The following SIPA1L3 variants were observed in gnomAD, a reference collection of about 807,000 sequenced individuals.
The protein encoded by SIPA1L3 is signal induced proliferation associated 1 like 3.
Under a neutral mutation model 150.1 loss-of-function variants are expected in SIPA1L3, and 59 were observed. The ratio of observed to expected loss-of-function variants is 0.39; its 90% CI spans 0.32 to 0.49. The LOEUF is 0.49. Among genes scored for constraint, SIPA1L3 ranks in the 20% least tolerant of loss-of-function variants. The pLI is 0.86. For synonymous variants in SIPA1L3, 1,070 were observed against 1,077.6 expected (o/e 0.99, Z 0.14); for missense variants, 2,211 against 2,489.5 (o/e 0.89, Z 2.38).
intron 12 of SIPA1L3, among the ~76,000 whole-genome samples, chr19:38,146,726 G>A (rs1205574067): frequency 1.3e-5 from 2 of 152,168 alleles, no homozygotes; most frequent in African/African-American, 2.4e-5. Context: ...ACCATTTGGC[G>A]TTGTCACTGT....
intron 2 of SIPA1L3, among the ~76,000 whole-genome samples, chr19:38,067,498 C>G (rs1036151643): frequency 4.6e-5 from 7 of 152,024 alleles, no homozygotes; most frequent in Admixed American, 3.9e-4. Context: ...CGTGGTGGCT[C>G]AAGTCTGTAA....
intron 1 of SIPA1L3, among the ~76,000 whole-genome samples, chr19:37,986,105 C>T (rs967790775): frequency 1.3e-5 from 2 of 152,184 alleles, no homozygotes; most frequent in African/African-American, 4.8e-5. Flanking sequence ...GGGAATTAAC[C>T]ATCTCTTTTC....
At chr19:38,078,206 C>G (rs370454608) in intron 2 of SIPA1L3, among the ~76,000 whole-genome samples, 23 of 152,238 alleles carry the variant, frequency 1.5e-4, no homozygotes, top group African/African-American at 5.3e-4. Context: ...TGTGCTGCCT[C>G]CCGGCAACAT....
At chr19:38,035,208 G>A (rs973149221) in intron 2 of SIPA1L3, among the ~76,000 whole-genome samples, 2 of 152,182 alleles carry the variant, frequency 1.3e-5, no homozygotes, top group African/African-American at 2.4e-5. Flanking sequence ...AAACTCTCAC[G>A]ACAGCTCTCC....
chr19:37,975,525 T>C (rs1051973947), intron 1 of SIPA1L3, among the ~76,000 whole-genome samples: 2 of 152,156 alleles, frequency 1.3e-5, no homozygotes, highest in African/African-American at 4.8e-5. Context: ...GGGAGTGATA[T>C]TGGTCATGGT....
chr19:37,983,530 C>T (rs2145619469), intron 1 of SIPA1L3, among the ~76,000 whole-genome samples: 1 of 152,286 alleles, frequency 6.6e-6, no homozygotes, highest in Admixed American at 6.5e-5. Context: ...GTCTTAGCCT[C>T]AGGTATGCGG....
intron 7 of SIPA1L3, among the ~76,000 whole-genome samples, chr19:38,108,999 A>T (rs1970682194): frequency 6.6e-6 from 1 of 152,198 alleles, no homozygotes. Flanking sequence ...CCAAAAAAAA[A>T]AGAAAAAAGA....
intron 8 of SIPA1L3, 95 bp downstream of exon 8, chr19:38,110,479 C>A: frequency 9.9e-7 from 1 of 1,013,164 alleles, no homozygotes; most frequent in East Asian, 2.5e-5. Context: ...CCACACCTCA[C>A]GTTGTGCTTC....
At chr19:38,113,301 A>T (rs1199390426) in intron 8 of SIPA1L3, among the ~76,000 whole-genome samples, 1 of 151,752 alleles carries the variant, frequency 6.6e-6, no homozygotes, top group Non-Finnish European at 1.5e-5. Context: ...ATTGCCCAAC[A>T]TGTTTCTGTC....
intron 1 of SIPA1L3, among the ~76,000 whole-genome samples, chr19:38,002,510 G>A (rs1256492094): frequency 2.6e-5 from 4 of 151,564 alleles, no homozygotes; most frequent in African/African-American, 9.7e-5. Context: ...TGAGGCGGGC[G>A]GATCACAAGG....
chr19:38,148,592 C>T (rs1410794587), intron 12 of SIPA1L3, among the ~76,000 whole-genome samples: 2 of 152,166 alleles, frequency 1.3e-5, no homozygotes, highest in Admixed American at 6.5e-5. Flanking sequence ...CTGTCATTCA[C>T]CTGTCTATTG....
At chr19:38,153,938 A>G (rs1256863252) in intron 13 of SIPA1L3, among the ~76,000 whole-genome samples, 3 of 152,114 alleles carry the variant, frequency 2.0e-5, no homozygotes, top group Non-Finnish European at 4.4e-5. Flanking sequence ...TGTCTCAGAA[A>G]AAAAAAGAAA....
chr19:37,947,615 C>G (rs2046724612), intron 1 of SIPA1L3, among the ~76,000 whole-genome samples: 1 of 152,148 alleles, frequency 6.6e-6, no homozygotes, highest in Non-Finnish European at 1.5e-5. Flanking sequence ...AGGCCCTGGT[C>G]TGTCAAGTTT....
intron 2 of SIPA1L3, among the ~76,000 whole-genome samples, chr19:38,059,025 C>CAAAA (rs74176410): frequency 1.1e-5 from 1 of 90,842 alleles, no homozygotes. Context: ...AACTCTGTCT[C>CAAAA]AAAAAAAAAA....
At chr19:37,979,168 G>A (rs768566465) in intron 1 of SIPA1L3, among the ~76,000 whole-genome samples, 15 of 152,086 alleles carry the variant, frequency 9.9e-5, no homozygotes, top group Admixed American at 6.6e-4. Context: ...GCCTGTTTTT[G>A]TATGGCCAGG....
chr19:38,049,839 C>T (rs1969149500), intron 2 of SIPA1L3, among the ~76,000 whole-genome samples: 2 of 152,060 alleles, frequency 1.3e-5, no homozygotes, highest in South Asian at 4.1e-4. Context: ...GTCCTGCTTC[C>T]CAGTTTCACC....
chr19:38,136,166 A>C, intron 10 of SIPA1L3, among the ~76,000 whole-genome samples: 1 of 78,594 alleles, frequency 1.3e-5, no homozygotes, highest in Non-Finnish European at 2.3e-5. Flanking sequence ...AGCCTGGGCA[A>C]GAGAGTGAGA....
At chr19:37,933,252 GCCCTGGCTGTT>G (rs1214789624) in intron 1 of SIPA1L3, among the ~76,000 whole-genome samples, 1 of 150,930 alleles carries the variant, frequency 6.6e-6, no homozygotes, top group Non-Finnish European at 1.5e-5. Context: ...CGGAGACTTT[GCCCTGGCTGTT>G]CCCTCTGCCT....
At chr19:38,119,256 G>T in intron 8 of SIPA1L3, 50 bp from the exon 9 acceptor site, 1 of 1,478,556 alleles carries the variant, frequency 6.8e-7, no homozygotes, top group South Asian at 1.3e-5. Flanking sequence ...TCTCTCTGAA[G>T]TGTCTTAGTG....
Sources: gnomAD v4.1 joint callset for allele counts (sites outside exome capture counted in the v4.1 genomes callset) on GRCh38, gnomAD v4.1.1 for gene constraint, MANE v1.5 for transcripts, NCBI Gene and HGNC (gene_info 2026-07-23, HGNC 2026-07-21) for gene names.